CCDC148: variants seen among roughly 807,000 people sequenced by gnomAD.
CCDC148 encodes coiled-coil domain-containing protein 148.
CCDC148 carries 89 observed loss-of-function variants against 85.7 expected under a neutral mutation model. The ratio of observed to expected loss-of-function variants is 1.04; its 90% CI spans 0.87 to 1.24. CCDC148 has a LOEUF of 1.24. Among genes scored for constraint, CCDC148 ranks in the 50% most tolerant of loss-of-function variants. CCDC148 has a pLI of 0.00. For missense variants in CCDC148, 692 were observed against 671.7 expected (o/e 1.03, Z -0.33); for synonymous variants, 230 against 213.9 (o/e 1.08, Z -0.66).
At chr2:158,263,941 C>G (rs1244724229) in intron 9 of CCDC148, among the ~76,000 whole-genome samples, 12 of 151,648 alleles carry the variant, frequency 7.9e-5, no homozygotes, top group Admixed American at 7.9e-4. Flanking sequence ...CATTGGTAAA[C>G]TATTCTTAAA....
At chr2:158,430,106 G>A (rs1336342427) in intron 1 of CCDC148, among the ~76,000 whole-genome samples, 2 of 152,192 alleles carry the variant, frequency 1.3e-5, no homozygotes, top group African/African-American at 4.8e-5. Context: ...AACAAAAATG[G>A]AACAGGAAGA....
chr2:158,372,197 T>C (rs1684471192), intron 1 of CCDC148, among the ~76,000 whole-genome samples: 1 of 151,992 alleles, frequency 6.6e-6, no homozygotes, highest in Non-Finnish European at 1.5e-5. Flanking sequence ...AGAAAAGGTA[T>C]AAATTAGGTA....
intron 13 of CCDC148, among the ~76,000 whole-genome samples, chr2:158,175,552 C>T (rs1684538476): frequency 6.6e-6 from 1 of 152,024 alleles, no homozygotes; most frequent in South Asian, 2.1e-4. Context: ...ACACATGCTA[C>T]TTTCCTTCCC....
rs149356735 is a variant in CCDC148 at position 158,350,019 on chromosome 2, G to A, written c.148-4701C>T. Among the ~76,000 whole-genome samples, 22 of 152,208 alleles carry A rather than the reference G, an allele frequency of 1.4e-4. 1 individual carries two copies. The East Asian group carries it at 3.9e-3, about 27-fold the overall frequency. ...CCAAGCTATGAATCTCAGGTACACA[G>A]TTATTTCTAGAAAAGCTTCTTCCTG... is the stretch of plus-strand genomic sequence containing the variant. On this transcript the variant is annotated intron_variant, in intron 2 of 13. Transcript: ENST00000283233.
chr2:158,429,405 G>GA (rs1559139214), intron 1 of CCDC148, among the ~76,000 whole-genome samples: 5 of 142,264 alleles, frequency 3.5e-5, no homozygotes, highest in Non-Finnish European at 7.7e-5. Context: ...AGATAGATAG[G>GA]AATACTTAGA....
intron 7 of CCDC148, among the ~76,000 whole-genome samples, chr2:158,317,256 C>T (rs1383198804): frequency 3.3e-5 from 5 of 152,154 alleles, no homozygotes; most frequent in Non-Finnish European, 7.4e-5. Flanking sequence ...AATTTCTATT[C>T]CTTTTTGTCC....
At chr2:158,443,979 T>C (rs1240125245) in intron 1 of CCDC148, among the ~76,000 whole-genome samples, 1 of 152,222 alleles carries the variant, frequency 6.6e-6, no homozygotes, top group Admixed American at 6.5e-5. Context: ...ATAATTACAG[T>C]GTACCCATAT....
At chr2:158,453,396 A>G (rs1318167100) in intron 1 of CCDC148, among the ~76,000 whole-genome samples, 1 of 152,198 alleles carries the variant, frequency 6.6e-6, no homozygotes, top group Non-Finnish European at 1.5e-5. Flanking sequence ...GGTGGGGCTC[A>G]GCCAATCCTG....
chr2:158,434,755 G>C (rs1453015994), intron 1 of CCDC148, among the ~76,000 whole-genome samples: 1 of 152,120 alleles, frequency 6.6e-6, no homozygotes, highest in Admixed American at 6.5e-5. Context: ...TGGCTAACTA[G>C]AATAAACAGT....
In CCDC148 at chr2:158,313,844, T is replaced by C. The variant is rs1351614818; in HGVS notation, c.815A>G (p.Asp272Gly). The C allele has an allele frequency of 1.9e-6, 3 of 1,613,946 alleles. No individual in the cohort carries two copies. Among genetic ancestry groups the C allele is most frequent in the Non-Finnish European group, 2.5e-6 (3 of 1,179,918 alleles). ...EDHWIYQAIL[D>G]QYPGDLFGRR... ...TCCAAAGAGATCTCCAGGGTACTGATCCAAAATAGCCTGGTAAATCCAGTG... is the reference window on the plus strand; with the variant it reads ...TCCAAAGAGATCTCCAGGGTACTGACCCAAAATAGCCTGGTAAATCCAGTG... Residue 272 changes from aspartate (D) to glycine (G), a missense_variant, in exon 8 of 14, where the codon GAT becomes GGT. By Grantham distance (94) the Asp-to-Gly change is moderately conservative (BLOSUM62 -1). Transcript: ENST00000283233.
At chr2:158,204,584 C>T (rs1686139019) in intron 11 of CCDC148, among the ~76,000 whole-genome samples, 1 of 152,082 alleles carries the variant, frequency 6.6e-6, no homozygotes, top group South Asian at 2.1e-4. Flanking sequence ...CAGCTACCCC[C>T]AGCTTTCTAG....
In CCDC148 at chr2:158,250,829, C is replaced by T; in HGVS notation, c.1194G>A (p.Glu398=). The change falls in exon 10 of 14, where the codon GAG becomes GAA. Residue 398 remains glutamate (E), a synonymous_variant. Transcript: ENST00000283233. ...CCTTCTTCTTCCACAGTTTCTCTTT[C>T]TCCTCTTCCTTTTCTCTTCTTCTGG... ...ISARRREKEE[E]KEKLWKKKEL... is the part of the protein sequence containing the mutation. The T allele has an allele frequency of 6.2e-7, 1 of 1,603,918 alleles. No homozygotes were observed. Among genetic ancestry groups the T allele is most frequent in the South Asian group, 1.1e-5 (1 of 90,204 alleles).
chr2:158,256,966 C>T (rs1022530622), intron 9 of CCDC148, among the ~76,000 whole-genome samples: 1 of 151,762 alleles, frequency 6.6e-6, no homozygotes, highest in African/African-American at 2.4e-5. Context: ...CAAAGATTAG[C>T]ACAGCATCTG....
intron 10 of CCDC148, among the ~76,000 whole-genome samples, chr2:158,241,474 G>C (rs1688348049): frequency 6.6e-6 from 1 of 152,088 alleles, no homozygotes; most frequent in Non-Finnish European, 1.5e-5. Flanking sequence ...ACAGAGATGA[G>C]AAAGGGGGCA....
intron 8 of CCDC148, among the ~76,000 whole-genome samples, chr2:158,311,007 G>A (rs935038745): frequency 6.6e-6 from 1 of 152,296 alleles, no homozygotes; most frequent in Non-Finnish European, 1.5e-5. Context: ...GCCGGGCAGA[G>A]GGGCTCCTCA....
intron 1 of CCDC148, among the ~76,000 whole-genome samples, chr2:158,375,833 C>A (rs1161209983): frequency 6.6e-6 from 1 of 152,058 alleles, no homozygotes; most frequent in Non-Finnish European, 1.5e-5. Flanking sequence ...AGACATGGAG[C>A]GAGTATTAAG....
intron 9 of CCDC148, among the ~76,000 whole-genome samples, chr2:158,301,688 C>A (rs1034018315): frequency 2.0e-5 from 3 of 152,090 alleles, no homozygotes; most frequent in Non-Finnish European, 4.4e-5. Context: ...TAAGATATGG[C>A]AAGATAGGTT....
chr2:158,397,402 GAAGCCTATCAGACT>G (rs1685570335), intron 1 of CCDC148, among the ~76,000 whole-genome samples: 1 of 152,132 alleles, frequency 6.6e-6, no homozygotes, highest in African/African-American at 2.4e-5. Flanking sequence ...CCCACAAAGG[GAAGCCTATCAGACT>G]AACAGCGGAT....
At chr2:158,350,670 G>C (rs1010528414) in intron 2 of CCDC148, among the ~76,000 whole-genome samples, 22 of 151,970 alleles carry the variant, frequency 1.4e-4, no homozygotes, top group Admixed American at 1.4e-3. Context: ...CTAAAAATTG[G>C]GGTGGGATAA....
Sources: allele counts gnomAD v4.1 joint callset (sites outside exome capture counted in the v4.1 genomes callset), GRCh38; gene constraint gnomAD v4.1.1; transcripts MANE v1.5; gene names NCBI Gene and HGNC (gene_info 2026-07-23, HGNC 2026-07-21).